Variants in SUGCT observed in about 807,000 individuals in gnomAD.
The protein encoded by SUGCT is succinyl-CoA:glutarate CoA-transferase.
A neutral mutation model predicts 55.0 loss-of-function variants in SUGCT; 41 were observed. The observed-to-expected ratio is 0.74, with a 90% confidence interval of 0.58 to 0.97. The LOEUF is 0.97. Ranked by LOEUF, SUGCT falls within the 50% of genes least tolerant of loss-of-function variation. The pLI, the probability that SUGCT is intolerant of heterozygous loss-of-function variation, is 0.00. For missense variants in SUGCT, 568 were observed against 547.8 expected (o/e 1.04, Z -0.37); for synonymous variants, 187 against 200.4 (o/e 0.93, Z 0.56).
chr7:40,659,372 A>G (rs1801192313), intron 12 of SUGCT, among the ~76,000 whole-genome samples: 2 of 151,996 alleles, frequency 1.3e-5, no homozygotes, highest in African/African-American at 2.4e-5. Flanking sequence ...GGGGCTCACT[A>G]TGGGCAGAAA....
At chr7:40,743,497 G>T (rs1426370130) in intron 12 of SUGCT, among the ~76,000 whole-genome samples, 1 of 152,176 alleles carries the variant, frequency 6.6e-6, no homozygotes, top group South Asian at 2.1e-4. Context: ...ATAATATTAT[G>T]TAACAATAAC....
At chr7:40,535,406 G>T (rs2151604438) in intron 12 of SUGCT, among the ~76,000 whole-genome samples, 1 of 152,294 alleles carries the variant, frequency 6.6e-6, no homozygotes, top group East Asian at 1.9e-4. Context: ...AGAACATGCA[G>T]TATTTGGTTT....
intron 7 of SUGCT, among the ~76,000 whole-genome samples, chr7:40,272,141 C>CAT (rs58480323): frequency 3.0e-3 from 142 of 46,620 alleles, no homozygotes; most frequent in African/African-American, 3.6e-3. Context: ...TGCAATGTGA[C>CAT]ATATATATAT....
chr7:40,188,885 C>T (rs887442996), intron 4 of SUGCT, among the ~76,000 whole-genome samples: 5 of 152,096 alleles, frequency 3.3e-5, no homozygotes, highest in African/African-American at 1.2e-4. Flanking sequence ...AATTGCCTAA[C>T]ACTCGGTATT....
intron 8 of SUGCT, among the ~76,000 whole-genome samples, chr7:40,283,033 C>T (rs1383594258): frequency 2.0e-5 from 3 of 151,566 alleles, no homozygotes; most frequent in Non-Finnish European, 4.4e-5. Context: ...ACTAGACAAA[C>T]AAGATTGCAT....
chr7:40,893,345 AT>A, the SUGCT span, among the ~76,000 whole-genome samples: 1 of 152,206 alleles, frequency 6.6e-6, no homozygotes, highest in African/African-American at 2.4e-5. Context: ...TCAAACAGAT[AT>A]AAAAAGAATA....
At chr7:40,573,423 C>T (rs1179791104) in intron 12 of SUGCT, among the ~76,000 whole-genome samples, 1 of 151,890 alleles carries the variant, frequency 6.6e-6, no homozygotes, top group Non-Finnish European at 1.5e-5. Context: ...TCCCATCCCT[C>T]CCTCCCCATC....
intron 9 of SUGCT, among the ~76,000 whole-genome samples, chr7:40,356,596 G>A (rs1797897381): frequency 6.6e-6 from 1 of 152,160 alleles, no homozygotes; most frequent in Non-Finnish European, 1.5e-5. Context: ...ATAATACGAT[G>A]AATAACCATA....
At chr7:40,516,117 G>A (rs950411346) in intron 12 of SUGCT, among the ~76,000 whole-genome samples, 1 of 151,826 alleles carries the variant, frequency 6.6e-6, no homozygotes, top group Non-Finnish European at 1.5e-5. Context: ...TGACAATGAT[G>A]TTGAAAATCT....
chr7:40,479,491 T>C (rs1169839816), intron 11 of SUGCT, among the ~76,000 whole-genome samples: 1 of 152,140 alleles, frequency 6.6e-6, no homozygotes, highest in Non-Finnish European at 1.5e-5. Context: ...CGTGTTCTTA[T>C]ATGATGAATT....
intron 12 of SUGCT, among the ~76,000 whole-genome samples, chr7:40,503,168 T>C (rs1792385164): frequency 1.3e-5 from 2 of 152,146 alleles, no homozygotes; most frequent in South Asian, 4.1e-4. Context: ...AAACTATCAA[T>C]ATTAACCTTG....
At chr7:40,190,168 C>T (rs1562564666) in intron 5 of SUGCT, among the ~76,000 whole-genome samples, 1 of 152,244 alleles carries the variant, frequency 6.6e-6, no homozygotes, top group African/African-American at 2.4e-5. Context: ...TCTGTGCTTA[C>T]TGGCTATATG....
At chr7:40,744,447 T>A (rs1465503122) in intron 12 of SUGCT, among the ~76,000 whole-genome samples, 1 of 152,242 alleles carries the variant, frequency 6.6e-6, no homozygotes, top group African/African-American at 2.4e-5. Flanking sequence ...CTAAAGTGAC[T>A]AATTTTTTTT....
At chr7:40,983,292 TC>T in the SUGCT span, among the ~76,000 whole-genome samples, 7 of 152,264 alleles carry the variant, frequency 4.6e-5, no homozygotes, top group South Asian at 1.5e-3. Flanking sequence ...AACACATCAT[TC>T]CCTTGCTACC....
intron 6 of SUGCT, among the ~76,000 whole-genome samples, chr7:40,203,610 A>T (rs1786746785): frequency 6.6e-6 from 1 of 152,110 alleles, no homozygotes; most frequent in African/African-American, 2.4e-5. Flanking sequence ...CCCCGTCTCT[A>T]TTAAAAATAC....
At chr7:40,301,032 G>A (rs930248378) in intron 8 of SUGCT, among the ~76,000 whole-genome samples, 32 of 152,188 alleles carry the variant, frequency 2.1e-4, no homozygotes, top group African/African-American at 7.5e-4. Flanking sequence ...TTTGAAGTAA[G>A]TCTTCTAGGC....
At chr7:40,230,330 T>G (rs1788645958) in intron 6 of SUGCT, among the ~76,000 whole-genome samples, 1 of 152,122 alleles carries the variant, frequency 6.6e-6, no homozygotes, top group Non-Finnish European at 1.5e-5. Context: ...TGGCCAGAGA[T>G]AAGATATAGG....
chr7:40,632,217 C>T (rs1799821399), intron 12 of SUGCT, among the ~76,000 whole-genome samples: 1 of 152,168 alleles, frequency 6.6e-6, no homozygotes, highest in African/African-American at 2.4e-5. Context: ...CTGATTCTTT[C>T]CTGCCCTGTG....
At chr7:40,164,076 C>T (rs1438814281) in intron 1 of SUGCT, among the ~76,000 whole-genome samples, 1 of 151,932 alleles carries the variant, frequency 6.6e-6, no homozygotes, top group Non-Finnish European at 1.5e-5. Flanking sequence ...CACCTCGGCC[C>T]CCCAAAGTCC....
Sources: allele counts gnomAD v4.1 joint callset (sites outside exome capture counted in the v4.1 genomes callset), GRCh38; gene constraint gnomAD v4.1.1; transcripts MANE v1.5; gene names NCBI Gene and HGNC (gene_info 2026-07-23, HGNC 2026-07-21).